The following ABI1 variants were observed in gnomAD, a reference collection of about 807,000 sequenced individuals.
ABI1 encodes abl interactor 1, also known as Abelson interactor 1.
ABI1 carries 14 observed loss-of-function variants against 54.6 expected under a neutral mutation model. That is an observed-to-expected ratio of 0.26 (90% confidence interval 0.17 to 0.40). The LOEUF is 0.40. Ranked by LOEUF, ABI1 falls within the 10% of genes least tolerant of loss-of-function variation. The probability of loss-of-function intolerance (pLI) is 1.00; values close to 1 mark genes in which losing one functional copy is unlikely to be tolerated. For synonymous variants in ABI1, 194 were observed against 209.3 expected (o/e 0.93, Z 0.63); for missense variants, 443 against 598.3 (o/e 0.74, Z 2.71).
Position 26,755,665 on chromosome 10 carries a change from C to T in ABI1, c.1074G>A (p.Val358=), listed in dbSNP as rs1838209957. ...QIPLTGFVAR[V]QENIADSPTP... ...TTTTTCCAAACTTACTGTTTTCCTG[C>T]ACCCTGGCCACGAAGCCTGTGAGAG... The change falls in exon 9 of 11, where the codon GTG becomes GTA. Residue 358 remains valine (V), a synonymous_variant. Coordinates refer to ENST00000376140, the MANE Select transcript of ABI1 (RefSeq NM_001012750.3). 1 of 1,613,112 alleles carries T rather than the reference C, an allele frequency of 6.2e-7. No homozygotes were observed. Among genetic ancestry groups the T allele is most frequent in the Non-Finnish European group, 8.5e-7 (1 of 1,179,256 alleles).
chr10:26,857,276 G>A (rs988651572), intron 1 of ABI1, among the ~76,000 whole-genome samples: 1 of 129,402 alleles, frequency 7.7e-6, no homozygotes, highest in Non-Finnish European at 1.6e-5. Flanking sequence ...AGCCAAGATC[G>A]CACCATTGCA....
intron 7 of ABI1, among the ~76,000 whole-genome samples, chr10:26,763,227 T>C (rs1305768471): frequency 6.6e-6 from 1 of 152,212 alleles, no homozygotes; most frequent in Non-Finnish European, 1.5e-5. Context: ...TCTCATTATT[T>C]GAAACACCTC....
At chr10:26,844,012 G>A (rs537007932) in intron 1 of ABI1, among the ~76,000 whole-genome samples, 1 of 152,158 alleles carries the variant, frequency 6.6e-6, no homozygotes, top group Admixed American at 6.5e-5. Flanking sequence ...CATCTTACCA[G>A]TGTTAAATTT....
intron 1 of ABI1, chr10:26,839,704 G>A: frequency 1.4e-6 from 1 of 694,846 alleles, no homozygotes; most frequent in Non-Finnish European, 2.6e-6. Flanking sequence ...TAATCCCAAT[G>A]CGTTGGGAGG....
chr10:26,832,827 G>A (rs2048774624), intron 1 of ABI1, among the ~76,000 whole-genome samples: 2 of 152,076 alleles, frequency 1.3e-5, no homozygotes, highest in Admixed American at 1.3e-4. Flanking sequence ...AGGGAAAAAA[G>A]AGCACATGGG....
At chr10:26,757,513 AAAAT>A (rs1838466425) in intron 8 of ABI1, among the ~76,000 whole-genome samples, 2 of 152,208 alleles carry the variant, frequency 1.3e-5, no homozygotes, top group African/African-American at 4.8e-5. Flanking sequence ...GAATATGAAA[AAAAT>A]AAAGTTGATG....
At chr10:26,842,732 C>A (rs1420715744) in intron 1 of ABI1, among the ~76,000 whole-genome samples, 1 of 152,200 alleles carries the variant, frequency 6.6e-6, no homozygotes, top group East Asian at 1.9e-4. Context: ...ATACAGACCA[C>A]AGAGTACTAC....
intron 2 of ABI1, among the ~76,000 whole-genome samples, chr10:26,822,269 A>G (rs1397083664): frequency 6.6e-6 from 1 of 152,212 alleles, no homozygotes; most frequent in African/African-American, 2.4e-5. Context: ...CAGCAAACTA[A>G]GACTAAGTGG....
chr10:26,808,217 T>C (rs2046998181), intron 2 of ABI1, among the ~76,000 whole-genome samples: 1 of 152,252 alleles, frequency 6.6e-6, no homozygotes, highest in African/African-American at 2.4e-5. Context: ...TTTTATATTT[T>C]GTTCAGAGTT....
At chr10:26,853,685 C>T (rs535582237) in intron 1 of ABI1, among the ~76,000 whole-genome samples, 26 of 151,900 alleles carry the variant, frequency 1.7e-4, no homozygotes, top group Non-Finnish European at 3.4e-4. Flanking sequence ...ACTACAGATG[C>T]CCGCCACCAC....
At chr10:26,833,478 C>T (rs929784829) in intron 1 of ABI1, among the ~76,000 whole-genome samples, 1 of 152,148 alleles carries the variant, frequency 6.6e-6, no homozygotes, top group African/African-American at 2.4e-5. Flanking sequence ...ATTTCAAAAA[C>T]AGTCTTAATG....
At chr10:26,834,441 C>A (rs1226126560) in intron 1 of ABI1, among the ~76,000 whole-genome samples, 6 of 151,656 alleles carry the variant, frequency 4.0e-5, no homozygotes, top group Admixed American at 1.3e-4. Context: ...GACACAGGAC[C>A]AACAACCAGA....
At chr10:26,821,800 A>C (rs2048003501) in intron 2 of ABI1, among the ~76,000 whole-genome samples, 1 of 120,830 alleles carries the variant, frequency 8.3e-6, no homozygotes, top group African/African-American at 3.5e-5. Context: ...CTCTTGTCTC[A>C]AAAAAAAAAA....
intron 1 of ABI1, among the ~76,000 whole-genome samples, chr10:26,844,158 C>T (rs1048242690): frequency 7.2e-5 from 11 of 152,174 alleles, no homozygotes; most frequent in African/African-American, 2.7e-4. Flanking sequence ...ACTCACAGCT[C>T]TCCCAAACAT....
chr10:26,827,150 T>C (rs978295263), intron 1 of ABI1, among the ~76,000 whole-genome samples: 18 of 152,000 alleles, frequency 1.2e-4, no homozygotes, highest in African/African-American at 4.3e-4. Flanking sequence ...CCTGACCTCA[T>C]GATCCACCAG....
chr10:26,799,073 G>A (rs1265393267), intron 2 of ABI1, among the ~76,000 whole-genome samples: 6 of 152,090 alleles, frequency 3.9e-5, no homozygotes, highest in Non-Finnish European at 4.4e-5. Flanking sequence ...TACATTAAAT[G>A]TAAATTCAAT....
chr10:26,839,788 A>G (rs1295933721), intron 1 of ABI1: 6 of 701,004 alleles, frequency 8.6e-6, no homozygotes, highest in Admixed American at 6.0e-5. Context: ...ATGTCTCTAC[A>G]GAAAAAATAA....
intron 2 of ABI1, among the ~76,000 whole-genome samples, chr10:26,782,260 A>C (rs1392648027): frequency 6.6e-6 from 1 of 152,172 alleles, no homozygotes; most frequent in Non-Finnish European, 1.5e-5. Flanking sequence ...GTCACTCAAC[A>C]ATGAGCTGTT....
intron 2 of ABI1, among the ~76,000 whole-genome samples, chr10:26,801,316 G>A (rs909040240): frequency 1.3e-5 from 2 of 152,130 alleles, no homozygotes; most frequent in African/African-American, 4.8e-5. Context: ...GGAGGCCAAG[G>A]CAGGCGGATC....
Sources: allele counts gnomAD v4.1 joint callset (sites outside exome capture counted in the v4.1 genomes callset), GRCh38; gene constraint gnomAD v4.1.1; transcripts MANE v1.5; gene names NCBI Gene and HGNC (gene_info 2026-07-23, HGNC 2026-07-21).